The following ATP8B1 variants were observed in gnomAD, a reference collection of about 807,000 sequenced individuals.
The protein encoded by ATP8B1 is ATPase phospholipid transporting 8B1, also known as phospholipid-transporting ATPase IC.
A neutral mutation model predicts 149.9 loss-of-function variants in ATP8B1; 80 were observed. That is an observed-to-expected ratio of 0.53 (90% CI 0.45 to 0.64). ATP8B1 has a LOEUF of 0.64. Among genes scored for constraint, ATP8B1 ranks in the 30% least tolerant of loss-of-function variants. The pLI, the probability that ATP8B1 is intolerant of heterozygous loss-of-function variation, is 0.00. For missense variants in ATP8B1, 1,247 were observed against 1,552.6 expected, an observed-to-expected ratio of 0.80 and a Z score of 3.31; for synonymous variants, 536 against 562.8, an observed-to-expected ratio of 0.95 and a Z score of 0.67.
chr18:57,673,377 C>T (rs916289574), intron 16 of ATP8B1, among the ~76,000 whole-genome samples: 4 of 151,894 alleles, frequency 2.6e-5, no homozygotes, highest in African/African-American at 9.7e-5. Flanking sequence ...TAATATTGTA[C>T]TGTGTTAAAT....
intron 2 of ATP8B1, among the ~76,000 whole-genome samples, chr18:57,728,104 G>C (rs1452197511): frequency 1.3e-5 from 2 of 151,960 alleles, no homozygotes; most frequent in Non-Finnish European, 2.9e-5. Context: ...CAAAGCACTT[G>C]TTTAACAGGA....
chr18:57,732,235 GTA>G (rs1262631832), intron 1 of ATP8B1, among the ~76,000 whole-genome samples: 1,072 of 9,170 alleles, frequency 0.12, 86 homozygotes, highest in South Asian at 0.23. Flanking sequence ...GTATATATGT[GTA>G]TATATATGTA....
At chr18:57,790,232 C>CCT (rs1272142136) in intron 1 of ATP8B1, among the ~76,000 whole-genome samples, 1 of 151,580 alleles carries the variant, frequency 6.6e-6, no homozygotes, top group East Asian at 1.9e-4. Flanking sequence ...AAACCCCCAT[C>CCT]CTCTCTCTCT....
intron 1 of ATP8B1, among the ~76,000 whole-genome samples, chr18:57,760,649 C>T (rs1310788236): frequency 6.6e-6 from 1 of 152,204 alleles, no homozygotes; most frequent in Non-Finnish European, 1.5e-5. Context: ...CTATATCCTC[C>T]TCTTTGTTCA....
intron 1 of ATP8B1, among the ~76,000 whole-genome samples, chr18:57,766,666 A>G (rs934015955): frequency 5.9e-5 from 9 of 152,040 alleles, no homozygotes; most frequent in African/African-American, 2.4e-5. Flanking sequence ...GGGGTCCAAG[A>G]CTCTTCATTT....
At chr18:57,672,932 A>ATATATATAT (rs1491183286) in intron 16 of ATP8B1, among the ~76,000 whole-genome samples, 1 of 32,098 alleles carries the variant, frequency 3.1e-5, no homozygotes, top group African/African-American at 9.8e-5. Context: ...ATATATATAT[A>ATATATATAT]ACATGTATAT....
intron 20 of ATP8B1, among the ~76,000 whole-genome samples, chr18:57,665,848 G>A (rs1465042270): frequency 1.3e-5 from 2 of 152,082 alleles, no homozygotes; most frequent in African/African-American, 4.8e-5. Context: ...ACCGTGCCCA[G>A]CCTGTTGCTA....
At chr18:57,677,144 T>C (rs1237817901) in intron 15 of ATP8B1, among the ~76,000 whole-genome samples, 1 of 152,222 alleles carries the variant, frequency 6.6e-6, no homozygotes, top group Non-Finnish European at 1.5e-5. Flanking sequence ...TTATTCGTAG[T>C]CAGGAAAGTA....
intron 2 of ATP8B1, among the ~76,000 whole-genome samples, chr18:57,716,625 A>T (rs543631100): frequency 3.9e-5 from 6 of 152,234 alleles, no homozygotes; most frequent in Non-Finnish European, 7.3e-5. Context: ...GTTCAGCAAG[A>T]GGATATAATA....
At chr18:57,727,217 G>A (rs1432235063) in intron 2 of ATP8B1, among the ~76,000 whole-genome samples, 1 of 152,154 alleles carries the variant, frequency 6.6e-6, no homozygotes, top group Admixed American at 6.5e-5. Flanking sequence ...TTACTCTGGT[G>A]TTTTTAGGCT....
intron 1 of ATP8B1, among the ~76,000 whole-genome samples, chr18:57,778,810 G>A (rs900382947): frequency 1.3e-5 from 2 of 152,176 alleles, no homozygotes; most frequent in African/African-American, 4.8e-5. Flanking sequence ...GGGAAGTGGG[G>A]TGTTTCTGTG....
At chr18:57,779,043 C>T (rs1046572367) in intron 1 of ATP8B1, among the ~76,000 whole-genome samples, 2 of 152,144 alleles carry the variant, frequency 1.3e-5, no homozygotes, top group African/African-American at 4.8e-5. Flanking sequence ...TTTAGCAGGG[C>T]TGGGTGTAAT....
intron 13 of ATP8B1, among the ~76,000 whole-genome samples, chr18:57,687,426 G>A (rs1215446811): frequency 1.3e-5 from 2 of 152,192 alleles, no homozygotes; most frequent in Non-Finnish European, 2.9e-5. Flanking sequence ...CGCTAAGCAT[G>A]TGGGAGTTAT....
chr18:57,663,951 G>A (rs1285770797), intron 20 of ATP8B1, among the ~76,000 whole-genome samples: 1 of 151,314 alleles, frequency 6.6e-6, no homozygotes. Context: ...ATTTTTAGTA[G>A]AGACAGGGTT....
chr18:57,753,536 T>C (rs2080043358), intron 1 of ATP8B1, among the ~76,000 whole-genome samples: 1 of 152,246 alleles, frequency 6.6e-6, no homozygotes. Flanking sequence ...ACACAGGCTC[T>C]GAAGGGAACA....
In ATP8B1 at chr18:57,662,522, G is replaced by T; in HGVS notation, c.2379C>A (p.Pro793=). 6.2e-7 allele frequency: 1 copy of T among 1,613,990 alleles called. No individual in the cohort carries two copies. Among genetic ancestry groups the T allele is most frequent in the African/African-American group, 1.3e-5 (1 of 75,004 alleles). ...APPVQESFFP[P]GGNRALIITG... ...TGATGATTAAGGCACGGTTTCCACC[G>T]GGTGGAAAAAAAGATTCCTGCACAG... The change falls in exon 21 of 28, where the codon CCC becomes CCA. Residue 793 remains proline (P), a synonymous_variant. Transcript: ENST00000648908.
At chr18:57,680,277 CAAAAAAAAAAAA>C (rs71171066) in intron 15 of ATP8B1, among the ~76,000 whole-genome samples, 12 of 40,476 alleles carry the variant, frequency 3.0e-4, no homozygotes, top group African/African-American at 9.9e-4. Flanking sequence ...GACTCAGTCT[CAAAAAAAAAAAA>C]AAAAAAAAAA....
At chr18:57,704,763 C>T in intron 3 of ATP8B1, 95 bp from the exon 4 acceptor site, 3 of 793,330 alleles carry the variant, frequency 3.8e-6, no homozygotes, top group Non-Finnish European at 6.5e-6. Context: ...CTTACAGTGA[C>T]AAAGGAACAT....
At chr18:57,714,662 C>A (rs1913918951) in intron 2 of ATP8B1, among the ~76,000 whole-genome samples, 1 of 148,786 alleles carries the variant, frequency 6.7e-6, no homozygotes, top group Non-Finnish European at 1.5e-5. Flanking sequence ...AGAAAGTAAG[C>A]AACAAGAACA....
Sources: gnomAD v4.1 joint callset for allele counts (sites outside exome capture counted in the v4.1 genomes callset) on GRCh38, gnomAD v4.1.1 for gene constraint, MANE v1.5 for transcripts, NCBI Gene and HGNC (gene_info 2026-07-23, HGNC 2026-07-21) for gene names.